The following DSCAML1 variants were observed in gnomAD, a reference collection of about 807,000 sequenced individuals.
DSCAML1 encodes DS cell adhesion molecule like 1, also known as cell adhesion molecule DSCAML1.
Under a neutral mutation model 200.5 loss-of-function variants are expected in DSCAML1, and 38 were observed. The observed-to-expected ratio is 0.19, with a 90% CI of 0.15 to 0.25. DSCAML1 has a LOEUF of 0.25. Ranked by LOEUF, DSCAML1 falls within the 10% of genes least tolerant of loss-of-function variation. The probability of loss-of-function intolerance (pLI) is 1.00; values close to 1 mark genes in which losing one functional copy is unlikely to be tolerated. For synonymous variants in DSCAML1, 1,215 were observed against 1,165.0 expected (o/e 1.04, Z -0.87); for missense variants, 2,223 against 2,858.8 (o/e 0.78, Z 5.07).
At chr11:117,660,714 C>A (rs2052829289) in intron 3 of DSCAML1, among the ~76,000 whole-genome samples, 1 of 152,198 alleles carries the variant, frequency 6.6e-6, no homozygotes, top group African/African-American at 2.4e-5. Context: ...CCATTATTAG[C>A]ATTAACAGGT....
rs200024121 is a variant in DSCAML1, at chr11:117,486,472, G to A, written c.2360-4310C>T. Among the ~76,000 whole-genome samples the A allele has an allele frequency of 4.6e-3, 232 of 50,166 alleles. 2 individuals are homozygous for A. The highest frequency in any genetic ancestry group is 0.026 in the South Asian group (42 of 1,598). 32.9% of individuals were successfully genotyped at this position (50,166 alleles called of 152,430 possible). A position where few individuals can be genotyped will look rare whatever the true frequency, so the allele number is the denominator to read the frequency against. On this transcript the variant is annotated intron_variant, in intron 11 of 32. Transcript: ENST00000651296. ...ATATGAAAGTAGCGGATGTGAAAAT[G>A]GTGGATGTGAAAATGGTGGATGTGA...
At chr11:117,745,290 G>A (rs189214488) in intron 3 of DSCAML1, among the ~76,000 whole-genome samples, 170 of 152,194 alleles carry the variant, frequency 1.1e-3, no homozygotes, top group Non-Finnish European at 1.5e-3. Flanking sequence ...GTACTTTCCT[G>A]TATGTGTGTT....
intron 3 of DSCAML1, among the ~76,000 whole-genome samples, chr11:117,776,257 G>A (rs554679026): frequency 6.6e-6 from 1 of 152,244 alleles, no homozygotes; most frequent in South Asian, 2.1e-4. Flanking sequence ...TCAATGCGAG[G>A]CCAGCTAGAA....
At chr11:117,764,830 C>A (rs2054862594) in intron 3 of DSCAML1, among the ~76,000 whole-genome samples, 1 of 152,146 alleles carries the variant, frequency 6.6e-6, no homozygotes, top group Admixed American at 6.5e-5. Context: ...TGAAGAGGGA[C>A]CCCAGCCACA....
At position 117,483,990 on chromosome 11, in the gene DSCAML1, G is replaced by A. The variant is rs190187151; in HGVS notation, c.2360-1828C>T. Among the ~76,000 whole-genome samples, 949 of 151,638 alleles carry A rather than the reference G, an allele frequency of 6.3e-3. 7 individuals are homozygous for A. Among genetic ancestry groups the A allele is most frequent in the Admixed American group, 0.032 (484 of 15,198 alleles). ...GGGCAATCGTGCAAAAAGGGGCTTT[G>A]TCTTCTCTGTCCTCAAAACCCAGTT... is the stretch of plus-strand genomic sequence containing the variant. On this transcript the variant is annotated intron_variant, in intron 11 of 32. Transcript: ENST00000651296.
At position 117,498,134 on chromosome 11, in the gene DSCAML1, C is replaced by T. The variant is rs1227904860; in HGVS notation, c.2359+5711G>A. ...CAGGGAGGCGAAGACCAGCCCCAGC[C>T]CCCAAGGAGCTTCAGTCTGTGACGA... On this transcript the variant is annotated intron_variant, in intron 11 of 32. Transcript: ENST00000651296. This position sits in a 1 kb window ranked among gnomAD's most constrained non-coding sequence, Gnocchi z 4.0. Among the ~76,000 whole-genome samples the T allele has an allele frequency of 6.6e-6, 1 of 152,246 alleles. No individual in the cohort carries two copies. Among genetic ancestry groups the T allele is most frequent in the African/African-American group, 2.4e-5 (1 of 41,470 alleles).
intron 11 of DSCAML1, among the ~76,000 whole-genome samples, chr11:117,491,789 CAAAA>C (rs906017173): frequency 3.3e-5 from 5 of 152,138 alleles, no homozygotes; most frequent in African/African-American, 7.2e-5. Context: ...AAACAAAAAA[CAAAA>C]AACCCCATGA....
chr11:117,586,531 GCT>G (rs2051146056), intron 3 of DSCAML1, among the ~76,000 whole-genome samples: 1 of 152,174 alleles, frequency 6.6e-6, no homozygotes, highest in Admixed American at 6.5e-5. Flanking sequence ...CCTTGACCCA[GCT>G]CTCTCTGTTC....
chr11:117,460,698 A>G (rs779794836), intron 18 of DSCAML1, among the ~76,000 whole-genome samples: 4 of 152,106 alleles, frequency 2.6e-5, no homozygotes, highest in Non-Finnish European at 5.9e-5. Flanking sequence ...AGGGCGAGGA[A>G]GACATTCAAA....
chr11:117,699,733 C>T (rs1430553775), intron 3 of DSCAML1, among the ~76,000 whole-genome samples: 2 of 152,234 alleles, frequency 1.3e-5, no homozygotes, highest in Non-Finnish European at 2.9e-5. Context: ...TGCTCCATCC[C>T]CACTTTATGT....
intron 3 of DSCAML1, among the ~76,000 whole-genome samples, chr11:117,648,410 C>A (rs2052565259): frequency 6.6e-6 from 1 of 152,190 alleles, no homozygotes; most frequent in African/African-American, 2.4e-5. Flanking sequence ...CCACGCAGTT[C>A]ACCTCTGCCC....
chr11:117,685,468 T>C (rs904348108), intron 3 of DSCAML1, among the ~76,000 whole-genome samples: 2 of 152,272 alleles, frequency 1.3e-5, no homozygotes, highest in Middle Eastern at 3.4e-3. Context: ...GCATGCACAG[T>C]TGGGCCCAGG....
intron 3 of DSCAML1, among the ~76,000 whole-genome samples, chr11:117,697,468 G>A (rs925672910): frequency 2.0e-5 from 3 of 151,926 alleles, no homozygotes; most frequent in African/African-American, 7.3e-5. Context: ...TTACCAACCC[G>A]TTTTTAAGTG....
At position 117,605,200 on chromosome 11, in the gene DSCAML1, G is replaced by C. The variant is rs573249224; in HGVS notation, c.512-72678C>G. On this transcript the variant is annotated intron_variant, in intron 3 of 32. Coordinates refer to ENST00000651296, the MANE Select transcript of DSCAML1 (RefSeq NM_020693.4). ...CACGCCACCATGCCCGGCTGCTCCC[G>C]GGTTTTAGATCAGCACCACTCTTCT... 1.1e-4 allele frequency among the ~76,000 whole-genome samples: 16 copies of C among 152,050 alleles called. No individual in the cohort carries two copies. In the South Asian group the frequency reaches 1.7e-3, roughly 16 times the overall value.
intron 3 of DSCAML1, among the ~76,000 whole-genome samples, chr11:117,648,159 T>A (rs188347781): frequency 6.6e-6 from 1 of 152,306 alleles, no homozygotes; most frequent in African/African-American, 2.4e-5. Context: ...CTTTACGCAC[T>A]CATTCCCCCA....
At chr11:117,443,362 C>G (rs1322614946) in intron 21 of DSCAML1, among the ~76,000 whole-genome samples, 2 of 152,230 alleles carry the variant, frequency 1.3e-5, no homozygotes, top group Non-Finnish European at 2.9e-5. Context: ...GGGGCACTCC[C>G]TAAGAGGGTC....
At chr11:117,559,130 A>AACAGACAGAAAGAAAG (rs879310100) in intron 3 of DSCAML1, among the ~76,000 whole-genome samples, 178 of 151,946 alleles carry the variant, frequency 1.2e-3, no homozygotes, top group Admixed American at 3.7e-3. Context: ...AAGACAGAAA[A>AACAGACAGAAAGAAAG]ACAGACACAA....
intron 11 of DSCAML1, among the ~76,000 whole-genome samples, chr11:117,490,870 C>G (rs1036236762): frequency 2.0e-5 from 3 of 152,226 alleles, no homozygotes; most frequent in African/African-American, 4.8e-5. Context: ...AGGCTGAACA[C>G]TGGAGGAGGT....
intron 3 of DSCAML1, among the ~76,000 whole-genome samples, chr11:117,536,988 A>G (rs1018994795): frequency 6.6e-6 from 1 of 152,192 alleles, no homozygotes; most frequent in Admixed American, 6.5e-5. Flanking sequence ...AATGGATACA[A>G]TTATTATTAA....
Sources: gnomAD v4.1 joint callset for allele counts (sites outside exome capture counted in the v4.1 genomes callset) on GRCh38, gnomAD v4.1.1 for gene constraint, Gnocchi (gnomAD v3.1) non-coding constraint, MANE v1.5 for transcripts, NCBI Gene and HGNC (gene_info 2026-07-23, HGNC 2026-07-21) for gene names.